The following TBC1D9 variants were observed in gnomAD, a reference collection of about 807,000 sequenced individuals.
The protein encoded by TBC1D9 is TBC1 domain family member 9.
TBC1D9 carries 63 observed loss-of-function variants against 132.0 expected under a neutral mutation model. The observed-to-expected ratio is 0.48, with a 90% CI of 0.39 to 0.59. TBC1D9 has a LOEUF of 0.59. Ranked by LOEUF, TBC1D9 falls within the 20% of genes least tolerant of loss-of-function variation. The probability of loss-of-function intolerance (pLI) is 0.00; values close to 1 mark genes in which losing one functional copy is unlikely to be tolerated. For missense variants in TBC1D9, 1,261 were observed against 1,592.7 expected (o/e 0.79, Z 3.54); for synonymous variants, 610 against 609.9 (o/e 1.00, Z 0.00).
chr4:140,660,889 T>TA (rs1737346286), intron 10 of TBC1D9, among the ~76,000 whole-genome samples: 1 of 151,770 alleles, frequency 6.6e-6, no homozygotes, highest in Admixed American at 6.6e-5. Flanking sequence ...AGGGAAGGCC[T>TA]CTACAATGAT....
chr4:140,712,608 G>C (rs1390031268), intron 1 of TBC1D9, among the ~76,000 whole-genome samples: 1 of 150,402 alleles, frequency 6.6e-6, no homozygotes, highest in Non-Finnish European at 1.5e-5. Context: ...TAGGCGTAGT[G>C]GCGGGCGCCT....
At chr4:140,628,592 C>T (rs986435552) in intron 16 of TBC1D9, among the ~76,000 whole-genome samples, 1 of 152,148 alleles carries the variant, frequency 6.6e-6, no homozygotes, top group Non-Finnish European at 1.5e-5. Context: ...CTCTGTACCT[C>T]GGTTTCCCCT....
intron 1 of TBC1D9, among the ~76,000 whole-genome samples, chr4:140,745,218 T>A (rs545557048): frequency 6.6e-6 from 1 of 152,232 alleles, no homozygotes; most frequent in Non-Finnish European, 1.5e-5. Context: ...TCAGGACCTC[T>A]TGAGAATGTG....
chr4:140,687,355 T>TACAC (rs1737801275), intron 2 of TBC1D9, among the ~76,000 whole-genome samples: 1 of 39,324 alleles, frequency 2.5e-5, no homozygotes. Flanking sequence ...TATATATATA[T>TACAC]ATATATATAT....
chr4:140,651,269 C>G (rs1388142408), intron 13 of TBC1D9, among the ~76,000 whole-genome samples: 1 of 152,148 alleles, frequency 6.6e-6, no homozygotes, highest in African/African-American at 2.4e-5. Flanking sequence ...ATCAGATGAG[C>G]CTGGCCAACA....
chr4:140,644,144 G>T (rs571400311), intron 13 of TBC1D9: 3 of 377,290 alleles, frequency 8.0e-6, no homozygotes, highest in African/African-American at 4.2e-5. Flanking sequence ...CCAGGAAAGG[G>T]TAGGGCCTCC....
chr4:140,717,393 T>A (rs1466596731), intron 1 of TBC1D9, among the ~76,000 whole-genome samples: 2 of 152,248 alleles, frequency 1.3e-5, no homozygotes, highest in Non-Finnish European at 2.9e-5. Flanking sequence ...GTAGAGGCCT[T>A]CCTGTTCAAT....
At chr4:140,642,918 C>T (rs569603807) in intron 13 of TBC1D9, 6 of 595,390 alleles carry the variant, frequency 1.0e-5, no homozygotes, top group African/African-American at 1.9e-5. Flanking sequence ...GGAGTCCCGG[C>T]GCCGCTGCAG....
chr4:140,688,483 T>C (rs1459905459), intron 2 of TBC1D9, among the ~76,000 whole-genome samples: 1 of 151,954 alleles, frequency 6.6e-6, no homozygotes, highest in Non-Finnish European at 1.5e-5. Context: ...CTGGGCAACA[T>C]AGTGATACCC....
chr4:140,753,943 T>G (rs1380719267), intron 1 of TBC1D9, among the ~76,000 whole-genome samples: 1 of 152,252 alleles, frequency 6.6e-6, no homozygotes, highest in African/African-American at 2.4e-5. Context: ...TTACCTCTCT[T>G]GCTTGAAAAT....
chr4:140,671,712 G>GTGTGTGTGTGTGTGTGTGTGTGTA (rs766300047), intron 6 of TBC1D9, among the ~76,000 whole-genome samples: 2 of 147,674 alleles, frequency 1.4e-5, no homozygotes, highest in African/African-American at 5.0e-5. Context: ...GTGTGTGTGT[G>GTGTGTGTGTGTGTGTGTGTGTGTA]TGTGCCGAAG....
At chr4:140,642,396 G>A (rs1204891653) in intron 13 of TBC1D9, 8 of 848,892 alleles carry the variant, frequency 9.4e-6, no homozygotes, top group South Asian at 4.3e-5. Context: ...AGACAGGCCG[G>A]AGGCCCTTGG....
At chr4:140,755,706 C>T (rs1420407805) in intron 1 of TBC1D9, among the ~76,000 whole-genome samples, 1 of 152,230 alleles carries the variant, frequency 6.6e-6, no homozygotes, top group Non-Finnish European at 1.5e-5. Flanking sequence ...GCTCAGTACG[C>T]TGAGGGCCCC....
At chr4:140,705,518 G>GTGTGTGTA (rs946232211) in intron 1 of TBC1D9, among the ~76,000 whole-genome samples, 1 of 131,818 alleles carries the variant, frequency 7.6e-6, no homozygotes, top group African/African-American at 3.8e-5. Context: ...GTGCATGTGT[G>GTGTGTGTA]TGTGTGTGTG....
At chr4:140,734,424 C>T (rs1041906597) in intron 1 of TBC1D9, among the ~76,000 whole-genome samples, 1 of 152,160 alleles carries the variant, frequency 6.6e-6, no homozygotes, top group African/African-American at 2.4e-5. Context: ...GCCACCACAC[C>T]CAGCCAGATG....
At chr4:140,723,742 T>G (rs1385642533) in intron 1 of TBC1D9, among the ~76,000 whole-genome samples, 1 of 152,174 alleles carries the variant, frequency 6.6e-6, no homozygotes, top group Non-Finnish European at 1.5e-5. Flanking sequence ...GTATATTTAT[T>G]TTTAATTCAT....
intron 2 of TBC1D9, among the ~76,000 whole-genome samples, chr4:140,687,015 T>C (rs1160131890): frequency 6.6e-6 from 1 of 152,028 alleles, no homozygotes; most frequent in Non-Finnish European, 1.5e-5. Flanking sequence ...ATTAGCACAG[T>C]TGCCTTGAAA....
chr4:140,655,521 TCAG>T (rs1279718127), intron 13 of TBC1D9, among the ~76,000 whole-genome samples: 5 of 152,208 alleles, frequency 3.3e-5, no homozygotes, highest in Non-Finnish European at 5.9e-5. Flanking sequence ...CATAGTGCGC[TCAG>T]CAGAATACTC....
intron 1 of TBC1D9, among the ~76,000 whole-genome samples, chr4:140,713,384 A>G (rs751902342): frequency 2.6e-5 from 4 of 152,228 alleles, no homozygotes; most frequent in Non-Finnish European, 5.9e-5. Flanking sequence ...ATTAAACTTA[A>G]TAATGGTTAC....
Sources: allele counts gnomAD v4.1 joint callset (sites outside exome capture counted in the v4.1 genomes callset), GRCh38; gene constraint gnomAD v4.1.1; transcripts MANE v1.5; gene names NCBI Gene and HGNC (gene_info 2026-07-23, HGNC 2026-07-21).